The following SPAG16 variants were observed in gnomAD, a reference collection of about 807,000 sequenced individuals.
The protein encoded by SPAG16 is sperm associated antigen 16.
A neutral mutation model predicts 80.4 loss-of-function variants in SPAG16; 86 were observed. The observed-to-expected ratio is 1.07, with a 90% CI of 0.90 to 1.28. The LOEUF (loss-of-function observed/expected upper bound fraction) is 1.28, where lower values mean the gene tolerates loss of function less well. Among genes scored for constraint, SPAG16 ranks in the 50% most tolerant of loss-of-function variants. The pLI is 0.00. For synonymous variants in SPAG16, 294 were observed against 265.9 expected, an observed-to-expected ratio of 1.11 and a Z score of -1.03; for missense variants, 870 against 765.3, an observed-to-expected ratio of 1.14 and a Z score of -1.61.
chr2:213,612,780 T>A (rs2061477734), intron 10 of SPAG16, among the ~76,000 whole-genome samples: 1 of 152,094 alleles, frequency 6.6e-6, no homozygotes, highest in South Asian at 2.1e-4. Context: ...GCCTCCCAGG[T>A]TCAAGCGATT....
intron 15 of SPAG16, among the ~76,000 whole-genome samples, chr2:214,408,417 T>A (rs954200828): frequency 5.9e-5 from 9 of 152,184 alleles, no homozygotes; most frequent in Admixed American, 5.9e-4. Flanking sequence ...GAAAATGGTT[T>A]ATAATAAATA....
intron 15 of SPAG16, among the ~76,000 whole-genome samples, chr2:214,165,799 A>G (rs900472552): frequency 5.3e-5 from 8 of 152,050 alleles, no homozygotes; most frequent in African/African-American, 1.4e-4. Flanking sequence ...CTGCTCCACT[A>G]TTTTCATTAA....
rs116807981 is a variant in SPAG16 at position 214,281,388 on chromosome 2, C to A, written c.1721-128752C>A. 803 of 201,732 alleles carry A rather than the reference C, an allele frequency of 4.0e-3. 5 individuals are homozygous for A. Among genetic ancestry groups the A allele is most frequent in the African/African-American group, 0.017 (751 of 42,936 alleles). The allele number at this position is 201,732 out of a possible 1,614,324, so 12.5% of individuals were successfully genotyped here. On this transcript the variant is annotated intron_variant, in intron 15 of 15. Transcript: ENST00000331683. ...GTAATCAATTTTACCGTCCCATTGT[C>A]TTCTAAATTTCACTTGGTGTCTCTT... is the stretch of plus-strand genomic sequence containing the variant.
intron 10 of SPAG16, among the ~76,000 whole-genome samples, chr2:213,797,116 C>T (rs995818637): frequency 1.3e-5 from 2 of 151,510 alleles, no homozygotes; most frequent in Non-Finnish European, 2.9e-5. Context: ...ATATTTTGTA[C>T]AGCTGTACAA....
At chr2:213,785,627 G>A (rs1257563378) in intron 10 of SPAG16, among the ~76,000 whole-genome samples, 2 of 152,148 alleles carry the variant, frequency 1.3e-5, no homozygotes, top group African/African-American at 4.8e-5. Context: ...TTCCCATTCA[G>A]TAATGGAAAT....
intron 8 of SPAG16, chr2:213,364,822 G>A (rs2066191427): frequency 6.6e-6 from 1 of 152,240 alleles, no homozygotes. Flanking sequence ...AGAGATTGTA[G>A]AAGTTAAGTA....
At chr2:213,648,874 G>C (rs771976226) in intron 10 of SPAG16, among the ~76,000 whole-genome samples, 5 of 152,184 alleles carry the variant, frequency 3.3e-5, no homozygotes, top group Non-Finnish European at 7.4e-5. Context: ...AGTTTAAATT[G>C]GTTGCCTAAT....
intron 3 of SPAG16, among the ~76,000 whole-genome samples, chr2:213,307,089 C>A (rs987889111): frequency 1.4e-4 from 22 of 152,178 alleles, no homozygotes; most frequent in African/African-American, 4.3e-4. Flanking sequence ...CACTCTACCC[C>A]TTTGTCAGGA....
rs1037973887 is a variant in SPAG16, at chr2:213,454,537, A to AT, written c.943-35424dup. 5.9e-5 allele frequency among the ~76,000 whole-genome samples: 9 copies of AT among 152,312 alleles called. No homozygotes were observed. The East Asian group carries it at 1.7e-3, about 29-fold the overall frequency. ...TGATGTCTTCAGAATTGCTTTGGAA[A>AT]TTGTCAGATTTCCAAATTAATATCA... On this transcript the variant is annotated intron_variant, in intron 9 of 15. Coordinates refer to ENST00000331683, the MANE Select transcript of SPAG16 (RefSeq NM_024532.5).
chr2:214,231,706 C>T (rs1472785747), intron 15 of SPAG16, among the ~76,000 whole-genome samples: 1 of 152,176 alleles, frequency 6.6e-6, no homozygotes, highest in East Asian at 1.9e-4. Context: ...GTAAACTGCA[C>T]ATACTTTTGT....
intron 11 of SPAG16, among the ~76,000 whole-genome samples, chr2:213,908,462 G>A (rs940050785): frequency 1.6e-4 from 24 of 152,280 alleles, no homozygotes; most frequent in East Asian, 3.9e-4. Flanking sequence ...TCAGGTTTGT[G>A]TGTTTCTCTA....
rs1445991923 is a variant in SPAG16, at chr2:213,364,158, T to C, written c.832+13T>C. On this transcript the variant is annotated intron_variant, in intron 8 of 15. Coordinates refer to ENST00000331683, the MANE Select transcript of SPAG16 (RefSeq NM_024532.5). ...CCTCAAATTAAAGGTAAATGTAAAATGTGATGAAGCTCTCATTTAATATAG... is the reference window on the plus strand; with the variant it reads ...CCTCAAATTAAAGGTAAATGTAAAACGTGATGAAGCTCTCATTTAATATAG... 4.8e-6 allele frequency: 7 copies of C among 1,456,912 alleles called. No individual in the cohort carries two copies. The South Asian group carries it at 1.0e-4, about 21-fold the overall frequency. The allele number at this position is 1,456,912 out of a possible 1,614,324, so 90.2% of individuals were successfully genotyped here. A position where few individuals can be genotyped will look rare whatever the true frequency, so the allele number is the denominator to read the frequency against.
At position 213,940,150 on chromosome 2, in the gene SPAG16, C is replaced by A. The variant is rs1380907500; in HGVS notation, c.1400+10005C>A. On this transcript the variant is annotated intron_variant, in intron 12 of 15. Coordinates refer to ENST00000331683, the MANE Select transcript of SPAG16 (RefSeq NM_024532.5). ...TATAATTATATAACAGCCATAACTA[C>A]CATTAAAAAAGTGAGCATTTAACTT... Among the ~76,000 whole-genome samples the A allele has an allele frequency of 2.0e-5, 3 of 152,008 alleles. No homozygotes were observed. In the East Asian group the frequency reaches 5.8e-4, roughly 29 times the overall value.
chr2:213,909,914 T>A (rs1056438440), intron 11 of SPAG16, among the ~76,000 whole-genome samples: 1 of 152,146 alleles, frequency 6.6e-6, no homozygotes, highest in Non-Finnish European at 1.5e-5. Flanking sequence ...CTCATAAAGA[T>A]TGGAGGGTTT....
chr2:213,440,623 T>G (rs1321154708), intron 9 of SPAG16, among the ~76,000 whole-genome samples: 2 of 152,068 alleles, frequency 1.3e-5, no homozygotes, highest in African/African-American at 4.8e-5. Context: ...GAGAAAGAGA[T>G]CCATGCATAC....
At chr2:213,458,693 A>G (rs575299883) in intron 9 of SPAG16, among the ~76,000 whole-genome samples, 54 of 152,308 alleles carry the variant, frequency 3.5e-4, no homozygotes, top group African/African-American at 1.3e-3. Context: ...ACAGTTGTAT[A>G]TTGGTAAATA....
At chr2:213,289,110 GTCTGGC>G (rs2062169286) in intron 1 of SPAG16, among the ~76,000 whole-genome samples, 2 of 152,224 alleles carry the variant, frequency 1.3e-5, no homozygotes, top group African/African-American at 2.4e-5. Context: ...AATTCAATAA[GTCTGGC>G]AAGGGGGCTG....
Position 213,438,951 on chromosome 2 carries a change from G to A in SPAG16, c.943-51012G>A, listed in dbSNP as rs541927322. Among the ~76,000 whole-genome samples the A allele has an allele frequency of 3.9e-5, 6 of 152,266 alleles. No homozygotes were observed. The South Asian group carries it at 1.2e-3, about 32-fold the overall frequency. ...GACAAGGGACTGTGGGTAACTACAG[G>A]GAGCTGATTGTTCCCTGGATGATAG... On this transcript the variant is annotated intron_variant, in intron 9 of 15. Coordinates refer to ENST00000331683, the MANE Select transcript of SPAG16 (RefSeq NM_024532.5).
At chr2:214,108,469 ACACACACACAC>A (rs1226612096) in intron 14 of SPAG16, among the ~76,000 whole-genome samples, 7 of 78,972 alleles carry the variant, frequency 8.9e-5, no homozygotes, top group East Asian at 8.3e-4. Flanking sequence ...ACACACACAC[ACACACACACAC>A]CCCCACACAC....
Sources: allele counts gnomAD v4.1 joint callset (sites outside exome capture counted in the v4.1 genomes callset), GRCh38; gene constraint gnomAD v4.1.1; transcripts MANE v1.5; gene names NCBI Gene and HGNC (gene_info 2026-07-23, HGNC 2026-07-21).